Variants in GABBR2 observed in about 807,000 individuals in gnomAD.
GABBR2 encodes the protein G-protein coupled receptor 51.
Under a neutral mutation model 105.6 loss-of-function variants are expected in GABBR2, and 23 were observed. That is an observed-to-expected ratio of 0.22 (90% confidence interval 0.16 to 0.31). The LOEUF (loss-of-function observed/expected upper bound fraction) is 0.31. GABBR2 is among the 10% of genes least tolerant of loss of function. GABBR2 has a pLI of 1.00. For missense variants in GABBR2, 734 were observed against 1,245.5 expected (o/e 0.59, Z 6.18); for synonymous variants, 478 against 499.7 (o/e 0.96, Z 0.58).
At chr9:98,337,383 G>GAAC (rs773877591) in intron 13 of GABBR2, among the ~76,000 whole-genome samples, 1 of 152,126 alleles carries the variant, frequency 6.6e-6, no homozygotes, top group Admixed American at 6.5e-5. Flanking sequence ...TGAATTGGAA[G>GAAC]ACAATATTCT....
intron 13 of GABBR2, among the ~76,000 whole-genome samples, chr9:98,317,912 T>C (rs2131371300): frequency 6.6e-6 from 1 of 151,928 alleles, no homozygotes; most frequent in Middle Eastern, 3.4e-3. Flanking sequence ...GGGGTGCTAA[T>C]GAGGGAAGTT....
rs1298988893 is a variant in GABBR2 at position 98,516,755 on chromosome 9, GT to G, written c.631-20242del. ...AGGCTTGGCACAGAGCAGTTGCCTG[GT>G]AGCGCTAAACAGACCTGGAAATCTC... On this transcript the variant is annotated intron_variant, in intron 3 of 18. Transcript: ENST00000259455. 1.2e-4 allele frequency among the ~76,000 whole-genome samples: 19 copies of G among 152,170 alleles called. 1 individual carries two copies. The highest frequency in any genetic ancestry group is 1.2e-3 in the Admixed American group (19 of 15,280).
chr9:98,611,099 G>A (rs548292557), intron 1 of GABBR2, among the ~76,000 whole-genome samples: 5 of 152,204 alleles, frequency 3.3e-5, no homozygotes, highest in South Asian at 4.1e-4. Context: ...ATTCCTCCCC[G>A]CTGCCTACAG....
chr9:98,325,519 T>A (rs1830907491), intron 13 of GABBR2, among the ~76,000 whole-genome samples: 1 of 152,160 alleles, frequency 6.6e-6, no homozygotes, highest in African/African-American at 2.4e-5. Flanking sequence ...CTTGAACTCC[T>A]GACCTCAGGT....
intron 8 of GABBR2, among the ~76,000 whole-genome samples, chr9:98,399,751 G>A (rs1366568851): frequency 1.3e-5 from 2 of 152,274 alleles, no homozygotes; most frequent in East Asian, 3.9e-4. Context: ...GGACTTGAAG[G>A]TAGTTTATAG....
intron 1 of GABBR2, among the ~76,000 whole-genome samples, chr9:98,620,504 G>A (rs1267997397): frequency 6.6e-6 from 1 of 151,986 alleles, no homozygotes; most frequent in Non-Finnish European, 1.5e-5. Context: ...GATTTAAAAA[G>A]AAATTCACAC....
intron 16 of GABBR2, among the ~76,000 whole-genome samples, chr9:98,301,491 C>T (rs959334925): frequency 6.6e-6 from 1 of 152,188 alleles, no homozygotes; most frequent in Non-Finnish European, 1.5e-5. Context: ...ACCTGATAAA[C>T]TATCAGAGGC....
chr9:98,537,714 G>A (rs1828209912), intron 3 of GABBR2, among the ~76,000 whole-genome samples: 1 of 151,948 alleles, frequency 6.6e-6, no homozygotes, highest in South Asian at 2.1e-4. Flanking sequence ...TGGAATTACA[G>A]GTGTGAGCCA....
At chr9:98,656,654 T>C (rs1028843371) in intron 1 of GABBR2, among the ~76,000 whole-genome samples, 2 of 152,234 alleles carry the variant, frequency 1.3e-5, no homozygotes, top group African/African-American at 4.8e-5. Flanking sequence ...AGAGAAATTA[T>C]TGGCAAGGAA....
intron 2 of GABBR2, among the ~76,000 whole-genome samples, chr9:98,574,521 C>G (rs1828881983): frequency 1.3e-5 from 2 of 152,180 alleles, no homozygotes; most frequent in Admixed American, 1.3e-4. Flanking sequence ...CAGCTGGGCC[C>G]CAAACACCAT....
intron 13 of GABBR2, among the ~76,000 whole-genome samples, chr9:98,336,574 A>G (rs567239828): frequency 1.3e-4 from 20 of 151,978 alleles, no homozygotes; most frequent in Non-Finnish European, 2.6e-4. Flanking sequence ...GCATGGTGGC[A>G]TGTGCCTGTA....
chr9:98,689,380 A>G (rs955297461), intron 1 of GABBR2, among the ~76,000 whole-genome samples: 9 of 152,240 alleles, frequency 5.9e-5, no homozygotes, highest in Non-Finnish European at 1.2e-4. Context: ...ACCTCCTAGG[A>G]CCTTGGTGAG....
At chr9:98,621,208 G>C (rs1829666131) in intron 1 of GABBR2, among the ~76,000 whole-genome samples, 2 of 152,170 alleles carry the variant, frequency 1.3e-5, no homozygotes, top group Admixed American at 1.3e-4. Flanking sequence ...TTAGAGAGGG[G>C]ACTCAAGGCT....
At position 98,289,146 on chromosome 9, in the gene GABBR2, G is replaced by A. The variant is rs1482294606; in HGVS notation, c.*1438C>T. ...TGGGCCACACCCCCGGCTGTAGGGA[G>A]GGCTGAAGGTCAGAGTCATACTCAT... On this transcript the variant is annotated 3_prime_UTR_variant, in exon 19 of 19. Transcript: ENST00000259455. The A allele has an allele frequency of 6.5e-6, 1 of 152,712 alleles. No individual in the cohort carries two copies. The allele number at this position is 152,712 out of a possible 1,614,324, so 9.5% of individuals were successfully genotyped here.
chr9:98,317,606 T>A (rs1484442247), intron 13 of GABBR2, among the ~76,000 whole-genome samples: 1 of 152,168 alleles, frequency 6.6e-6, no homozygotes, highest in Non-Finnish European at 1.5e-5. Context: ...TTAATGGGAG[T>A]CTGAGTCATT....
At chr9:98,439,739 C>A (rs1825997457) in intron 7 of GABBR2, among the ~76,000 whole-genome samples, 1 of 152,140 alleles carries the variant, frequency 6.6e-6, no homozygotes, top group Non-Finnish European at 1.5e-5. Flanking sequence ...ACCCACCAAC[C>A]ACAGAATCCC....
At chr9:98,562,856 G>C (rs1828695191) in intron 2 of GABBR2, among the ~76,000 whole-genome samples, 2 of 151,966 alleles carry the variant, frequency 1.3e-5, no homozygotes, top group Admixed American at 6.5e-5. Flanking sequence ...GATCACTTGA[G>C]GTCAGGAGTT....
intron 5 of GABBR2, among the ~76,000 whole-genome samples, chr9:98,479,982 A>C (rs1320984990): frequency 6.6e-6 from 1 of 152,132 alleles, no homozygotes; most frequent in South Asian, 2.1e-4. Context: ...CAAACATTCC[A>C]ACCTGTTAAA....
intron 9 of GABBR2, among the ~76,000 whole-genome samples, chr9:98,393,916 TA>T (rs1300304821): frequency 1.3e-5 from 2 of 152,212 alleles, no homozygotes; most frequent in Non-Finnish European, 2.9e-5. Flanking sequence ...GGGCTACATT[TA>T]AAAAGAATTA....
Sources: allele counts gnomAD v4.1 joint callset (sites outside exome capture counted in the v4.1 genomes callset), GRCh38; gene constraint gnomAD v4.1.1; transcripts MANE v1.5; gene names NCBI Gene and HGNC (gene_info 2026-07-23, HGNC 2026-07-21).